Variants in AIM2 observed in about 807,000 individuals in gnomAD.
AIM2 encodes absent in melanoma 2, also known as interferon-inducible protein AIM2.
Under a neutral mutation model 27.7 loss-of-function variants are expected in AIM2, and 30 were observed. The observed-to-expected ratio is 1.08, with a 90% confidence interval of 0.81 to 1.47. The LOEUF is 1.47. Ranked by LOEUF, AIM2 falls within the 40% of genes most tolerant of loss-of-function variation. The pLI is 0.00. For synonymous variants in AIM2, 141 were observed against 145.3 expected (o/e 0.97, Z 0.21); for missense variants, 358 against 411.3 (o/e 0.87, Z 1.12).
chr1:159,058,387 C>T (rs1449122512), downstream of AIM2, among the ~76,000 whole-genome samples: 4 of 151,344 alleles, frequency 2.6e-5, no homozygotes, highest in Non-Finnish European at 5.9e-5. Context: ...ATGAAGCTGG[C>T]CTCCTTGACC....
At chr1:159,086,869 A>G (rs1187275285) in intron 1 of AIM2, among the ~76,000 whole-genome samples, 1 of 152,340 alleles carries the variant, frequency 6.6e-6, no homozygotes, top group South Asian at 2.1e-4. Flanking sequence ...AGTAAACTCT[A>G]TCCATTATTA....
intron 1 of AIM2, among the ~76,000 whole-genome samples, chr1:159,112,934 C>CATATATATATATATATATAT (rs71659252): frequency 6.8e-4 from 100 of 146,514 alleles, no homozygotes; most frequent in African/African-American, 2.4e-3. Context: ...TATATACATA[C>CATATATATATATATATATAT]ATATATATAT....
At chr1:159,103,736 C>T (rs1362284189) in intron 1 of AIM2, among the ~76,000 whole-genome samples, 3 of 152,314 alleles carry the variant, frequency 2.0e-5, no homozygotes, top group Admixed American at 2.0e-4. Context: ...CACACCTCTC[C>T]TTTCTTCTCA....
At chr1:159,071,577 T>C (rs1156740432) in intron 2 of AIM2, among the ~76,000 whole-genome samples, 1 of 152,218 alleles carries the variant, frequency 6.6e-6, no homozygotes, top group East Asian at 1.9e-4. Context: ...AGGTGTGATC[T>C]CAGCTCACTG....
chr1:159,119,227 C>T (rs1008690472), intron 1 of AIM2, among the ~76,000 whole-genome samples: 11 of 152,012 alleles, frequency 7.2e-5, no homozygotes, highest in East Asian at 1.9e-4. Context: ...TTTGAGCCAC[C>T]GAGATTTTGA....
chr1:159,099,112 G>A (rs539324577), intron 1 of AIM2, among the ~76,000 whole-genome samples: 2 of 152,100 alleles, frequency 1.3e-5, no homozygotes, highest in East Asian at 3.9e-4. Context: ...AGAATTAAGA[G>A]TATGGCAAGG....
In AIM2 at chr1:159,070,031, A is replaced by G. The variant is rs114821294; in HGVS notation, c.263-1330T>C. Reference sequence around the variant, plus strand: ...CTGACTGAAGGTACCTTTAACTCCTATGCATTTTTCACAGCTTAGTGCAAG... The same window carrying G: ...CTGACTGAAGGTACCTTTAACTCCTGTGCATTTTTCACAGCTTAGTGCAAG... On this transcript the variant is annotated intron_variant, in intron 2 of 5. Coordinates refer to ENST00000368130, the MANE Select transcript of AIM2 (RefSeq NM_004833.3). Among the ~76,000 whole-genome samples the G allele has an allele frequency of 6.6e-3, 1,003 of 152,154 alleles. 12 individuals carry two copies. The highest frequency in any genetic ancestry group is 0.023 in the African/African-American group (949 of 41,506).
At chr1:159,093,544 A>C (rs1657096717) in intron 1 of AIM2, among the ~76,000 whole-genome samples, 1 of 152,128 alleles carries the variant, frequency 6.6e-6, no homozygotes, top group Non-Finnish European at 1.5e-5. Flanking sequence ...AAAACGGGGA[A>C]ACCTGTCAAA....
At chr1:159,141,808 G>A (rs1648120413), upstream of AIM2, among the ~76,000 whole-genome samples, 2 of 152,236 alleles carry the variant, frequency 1.3e-5, no homozygotes, top group East Asian at 3.9e-4. Context: ...AAAATCTGGA[G>A]TGGAGATCCA....
At chr1:159,102,748 C>T (rs1232011410) in intron 1 of AIM2, among the ~76,000 whole-genome samples, 1 of 152,188 alleles carries the variant, frequency 6.6e-6, no homozygotes, top group African/African-American at 2.4e-5. Flanking sequence ...TTCTTTTTGG[C>T]CAATTTCTCC....
intron 2 of AIM2, 49 bp from the exon 3 acceptor site, chr1:159,068,750 C>T (rs1189169399): frequency 1.9e-6 from 3 of 1,560,188 alleles, no homozygotes; most frequent in South Asian, 2.4e-5. Flanking sequence ...AACATATGAG[C>T]AGTGCACATT....
chr1:159,106,031 C>G (rs745487448), intron 1 of AIM2, among the ~76,000 whole-genome samples: 5 of 152,172 alleles, frequency 3.3e-5, no homozygotes, highest in Non-Finnish European at 5.9e-5. Flanking sequence ...ATGGCAAGGT[C>G]ATGACAGTGC....
At chr1:159,110,305 A>G (rs970213248) in intron 1 of AIM2, among the ~76,000 whole-genome samples, 5 of 152,200 alleles carry the variant, frequency 3.3e-5, no homozygotes, top group East Asian at 3.9e-4. Flanking sequence ...GACCAAGACC[A>G]TGGTCCACAT....
At chr1:159,073,895 C>T (rs1267766318) in intron 1 of AIM2, among the ~76,000 whole-genome samples, 4 of 152,162 alleles carry the variant, frequency 2.6e-5, no homozygotes, top group African/African-American at 9.6e-5. Context: ...AAAAATTAGC[C>T]GAGCATGGTG....
chr1:159,115,634 T>G (rs976568272), intron 1 of AIM2, among the ~76,000 whole-genome samples: 3 of 152,222 alleles, frequency 2.0e-5, no homozygotes, highest in African/African-American at 7.2e-5. Context: ...TAGCCATATG[T>G]AGAAAGCTGA....
At chr1:159,124,895 G>A (rs1647646940) in intron 1 of AIM2, among the ~76,000 whole-genome samples, 1 of 152,222 alleles carries the variant, frequency 6.6e-6, no homozygotes, top group South Asian at 2.1e-4. Flanking sequence ...TTAGGTGGTG[G>A]CAAGGGATCT....
In AIM2 at chr1:159,127,151, G is replaced by A. The variant is rs150895013; in HGVS notation, c.-16+13280C>T. 2.0e-3 allele frequency among the ~76,000 whole-genome samples: 311 copies of A among 152,300 alleles called. 1 individual carries two copies. The highest frequency in any genetic ancestry group is 3.6e-3 in the Non-Finnish European group (244 of 68,032). Reference sequence around the variant, plus strand: ...AGAATGCAATTGATGAGGTTCACCCGAGAGTCTTCAAAGAACTAGTGATGT... The same window carrying A: ...AGAATGCAATTGATGAGGTTCACCCAAGAGTCTTCAAAGAACTAGTGATGT... On this transcript the variant is annotated intron_variant, in intron 1 of 2. Transcript: ENST00000368129.
At chr1:159,144,655 T>C (rs1648171275), upstream of AIM2, among the ~76,000 whole-genome samples, 1 of 152,172 alleles carries the variant, frequency 6.6e-6, no homozygotes, top group Non-Finnish European at 1.5e-5. Context: ...ATTGATTTAA[T>C]TCTCCAAAGA....
chr1:159,109,151 A>T (rs1657513767), intron 1 of AIM2, among the ~76,000 whole-genome samples: 2 of 152,208 alleles, frequency 1.3e-5, no homozygotes, highest in South Asian at 4.1e-4. Flanking sequence ...CTATACTATA[A>T]GGCCATAGTC....
Sources: gnomAD v4.1 joint callset for allele counts (sites outside exome capture counted in the v4.1 genomes callset) on GRCh38, gnomAD v4.1.1 for gene constraint, MANE v1.5 for transcripts, NCBI Gene and HGNC (gene_info 2026-07-23, HGNC 2026-07-21) for gene names.